Variants in AP4B1 observed in about 807,000 individuals in gnomAD.
AP4B1 encodes AP-4 complex subunit beta-1.
A neutral mutation model predicts 76.5 loss-of-function variants in AP4B1; 49 were observed. That is an observed-to-expected ratio of 0.64 (90% CI 0.51 to 0.81). The LOEUF is 0.81. AP4B1 is among the 40% of genes least tolerant of loss of function. The pLI, the probability that AP4B1 is intolerant of heterozygous loss-of-function variation, is 0.00. For missense variants in AP4B1, 911 were observed against 904.9 expected (o/e 1.01, Z -0.09); for synonymous variants, 330 against 333.3 (o/e 0.99, Z 0.11).
At position 113,901,340 on chromosome 1, in the gene AP4B1, C is replaced by T. The variant is rs760411845; in HGVS notation, c.513G>A (p.Gln171=). 1.9e-6 allele frequency: 3 copies of T among 1,613,994 alleles called. No homozygotes were observed. The African/African-American group carries it at 4.0e-5, about 22-fold the overall frequency. The part of the protein sequence containing the change: ...VNELYSLLRD[Q]DPIVVVNCLR... ...AGCAGTTCACAACTACAATTGGATC[C>T]TGGTCACGCAGCAAACTGTATAATT... is the stretch of plus-strand genomic sequence containing the variant. Residue 171 remains glutamine (Q), a synonymous_variant, in exon 4 of 10, where the codon CAG becomes CAA. Transcript: ENST00000369569.
Position 113,898,165 on chromosome 1 carries a change from T to C in AP4B1, c.1199-222A>G, listed in dbSNP as rs114563260. ...ATTGACATGAGGATAAATGAACTAA[T>C]GTATGAAAAAGCACTTTGTAAAACA... On this transcript the variant is annotated intron_variant, in intron 6 of 9. Coordinates refer to ENST00000369569, the MANE Select transcript of AP4B1 (RefSeq NM_001253852.3). 764 of 425,814 alleles carry C rather than the reference T, an allele frequency of 1.8e-3. 3 individuals are homozygous for C. The highest frequency in any genetic ancestry group is 0.016 in the African/African-American group (738 of 46,524). The allele number at this position is 425,814 out of a possible 1,614,324, so 26.4% of individuals were successfully genotyped here. A position where few individuals can be genotyped will look rare whatever the true frequency, so the allele number is the denominator to read the frequency against.
Position 113,894,805 on chromosome 1 carries a change from T to A in AP4B1, c.*260A>T. The A allele has an allele frequency of 4.6e-6, 2 of 432,554 alleles. No individual in the cohort carries two copies. The highest frequency in any genetic ancestry group is 8.4e-6 in the Non-Finnish European group (2 of 237,808). The allele number at this position is 432,554 out of a possible 1,614,324, so 26.8% of individuals were successfully genotyped here. On this transcript the variant is annotated 3_prime_UTR_variant, in exon 10 of 10. Coordinates refer to ENST00000369569, the MANE Select transcript of AP4B1 (RefSeq NM_001253852.3). ...ACAATTCCTAAAATTGATTAGGAAA[T>A]AATCCAAATCCCATCCTCAACGCAT...
chr1:113,895,329 G>C lies in AP4B1; in HGVS notation c.1956C>G (p.Phe652Leu). The C allele has an allele frequency of 1.2e-6, 2 of 1,614,198 alleles. No homozygotes were observed. The highest frequency in any genetic ancestry group is 1.7e-6 in the Non-Finnish European group (2 of 1,180,032). The change falls in exon 10 of 10, where the codon TTC becomes TTG. Residue 652 changes from phenylalanine (F) to leucine (L), a missense_variant. Physicochemically the swap from Phe to Leu is conservative, Grantham distance 22. Coordinates refer to ENST00000369569, the MANE Select transcript of AP4B1 (RefSeq NM_001253852.3). ...GAGCCATCTGGAGGGTGTCAGGATG[G>C]AATTCTCCCCGCCAAGGCAACACTT... ...HQQVLPWRGE[F>L]HPDTLQMALQ...
rs1667282389 is a variant in AP4B1, at chr1:113,894,866, T to A, written c.*199A>T. On this transcript the variant is annotated 3_prime_UTR_variant, in exon 10 of 10. Coordinates refer to ENST00000369569, the MANE Select transcript of AP4B1 (RefSeq NM_001253852.3). ...ACATTAACCTCTACAACATCATCAC[T>A]GAAAAATGGGGTCAATTGCCAATAG... 1 of 590,094 alleles carries A rather than the reference T, an allele frequency of 1.7e-6. No individual in the cohort carries two copies. Among genetic ancestry groups the A allele is most frequent in the Admixed American group, 3.0e-5 (1 of 32,812 alleles). 36.6% of individuals were successfully genotyped at this position (590,094 alleles called of 1,614,324 possible). A position where few individuals can be genotyped will look rare whatever the true frequency, so the allele number is the denominator to read the frequency against.
In AP4B1 at chr1:113,902,714, T is replaced by G; in HGVS notation, c.262A>C (p.Asn88His). The change falls in exon 2 of 10, where the codon AAT becomes CAT. Residue 88 changes from asparagine to histidine, a missense_variant. Coordinates refer to ENST00000369569, the MANE Select transcript of AP4B1 (RefSeq NM_001253852.3). ...LKPDLALLAI[N>H]TLCKDCSDPN... ...TCTGAGCAGTCTTTGCACAGCGTAT[T>G]GATGGCCAGGAGAGCCAGATCTGGT... The G allele has an allele frequency of 6.2e-7, 1 of 1,614,224 alleles. No individual in the cohort carries two copies. Among genetic ancestry groups the G allele is most frequent in the Non-Finnish European group, 8.5e-7 (1 of 1,180,048 alleles).
In AP4B1 at chr1:113,900,118, T is replaced by C. The variant is rs747982148; in HGVS notation, c.900A>G (p.Val300=). 1 of 1,614,172 alleles carries C rather than the reference T, an allele frequency of 6.2e-7. No homozygotes were observed. The highest frequency in any genetic ancestry group is 1.1e-5 in the South Asian group (1 of 91,084). The change falls in exon 5 of 10, where the codon GTA becomes GTG. Residue 300 remains valine, a synonymous_variant. Transcript: ENST00000369569. ...RELCFVALCH[V]RQILHSLPGH... is the part of the protein sequence containing the mutation. ...CTGGTAAACTATGCAAGATCTGGCG[T>C]ACATGACAAAGAGCAACAAAACAGA... is the stretch of plus-strand genomic sequence containing the variant.
chr1:113,896,058 T>A lies in AP4B1; in HGVS notation c.1511-20A>T. The A allele has an allele frequency of 6.2e-7, 1 of 1,614,218 alleles. No homozygotes were observed. Among genetic ancestry groups the A allele is most frequent in the Non-Finnish European group, 8.5e-7 (1 of 1,180,042 alleles). On this transcript the variant is annotated intron_variant, in intron 8 of 9. Transcript: ENST00000369569. ...CTTCCTCTGAGGTAAGACAACAGATTGACTTCATTAAAAACAAAACCACTT... is the reference window on the plus strand; with the variant it reads ...CTTCCTCTGAGGTAAGACAACAGATAGACTTCATTAAAAACAAAACCACTT...
rs1375969296 is a variant in AP4B1 at position 113,904,766 on chromosome 1, G to A, written c.-49C>T. 2.0e-6 allele frequency: 3 copies of A among 1,503,332 alleles called. No homozygotes were observed. The highest frequency in any genetic ancestry group is 1.1e-5 in the South Asian group (1 of 88,812). The allele number at this position is 1,503,332 out of a possible 1,614,324, so 93.1% of individuals were successfully genotyped here. The stretch of plus-strand genomic sequence containing the variant: ...TCCCACAGCTCCCACGGTAACTCGA[G>A]GGCTCCTTCTCGTCCTGATGTGGGA... On this transcript the variant is annotated 5_prime_UTR_variant, in exon 1 of 10. Coordinates refer to ENST00000369569, the MANE Select transcript of AP4B1 (RefSeq NM_001253852.3).
In AP4B1 at chr1:113,901,743, C is replaced by G. The variant is rs1668293453; in HGVS notation, c.469+12G>C. The G allele has an allele frequency of 1.9e-6, 3 of 1,614,084 alleles. No individual in the cohort carries two copies. The South Asian group carries it at 3.3e-5, about 18-fold the overall frequency. On this transcript the variant is annotated intron_variant, in intron 3 of 9. Coordinates refer to ENST00000369569, the MANE Select transcript of AP4B1 (RefSeq NM_001253852.3). The stretch of plus-strand genomic sequence containing the variant: ...GAGGCACATTGACCATGATGGATTA[C>G]ACTGAACTTACCTACTTCAGAGTCT...
At chr1:113,897,592 C>A in intron 7 of AP4B1, 1 of 492,084 alleles carries the variant, frequency 2.0e-6, no homozygotes, top group Non-Finnish European at 3.7e-6. Context: ...TCAAGCAAAG[C>A]AAAACAAAAC....
chr1:113,898,769 C>A lies in AP4B1; in HGVS notation c.1147G>T (p.Val383Phe). 6.2e-7 allele frequency: 1 copy of A among 1,609,870 alleles called. No individual in the cohort carries two copies. The highest frequency in any genetic ancestry group is 8.5e-7 in the Non-Finnish European group (1 of 1,179,974). ...CCCAGCAACTCTGTTAAAATCTGAA[C>A]ACATTGATCTGTGTAAGTCCTGGCA... Reference protein sequence around the residue: ...GIARTYTDQCVQILTELLGLR... With the variant: ...GIARTYTDQCFQILTELLGLR... Residue 383 changes from valine (V) to phenylalanine (F), a missense_variant, in exon 6 of 10, where the codon GTT becomes TTT. Val to Phe is a conservative substitution (Grantham distance 50). Coordinates refer to ENST00000369569, the MANE Select transcript of AP4B1 (RefSeq NM_001253852.3).
At chr1:113,901,196 A>G (rs775576275) in intron 4 of AP4B1, 40 bp downstream of exon 4, 2 of 1,611,260 alleles carry the variant, frequency 1.2e-6, no homozygotes, top group Non-Finnish European at 8.5e-7. Flanking sequence ...CCCACAAGGT[A>G]GCAGATCTCA....
rs771166738 is a variant in AP4B1, at chr1:113,895,832, C to T, written c.1717G>A (p.Ala573Thr). 1.2e-6 allele frequency: 2 copies of T among 1,614,194 alleles called. No individual in the cohort carries two copies. Among genetic ancestry groups the T allele is most frequent in the South Asian group, 2.2e-5 (2 of 91,086 alleles). ...GCCCCCTGGCATTTAGAGATAGTTG[C>T]CCAGTGGGCTTTGCCATACACTGGC... is the stretch of plus-strand genomic sequence containing the variant. ...LVPVYGKAHWATISKCQGAER... is the reference protein window; with the variant it reads ...LVPVYGKAHWTTISKCQGAER... The change falls in exon 9 of 10, where the codon GCA (alanine) becomes ACA (threonine). Residue 573 changes from alanine to threonine, a missense_variant. Transcript: ENST00000369569.
chr1:113,900,227 T>G lies in AP4B1; in HGVS notation c.791A>C (p.Lys264Thr). ...ATCAGTTTGTACGTGGGGAAACATTTTTGCCAAGATCAGAAAAAGTTTGGT... is the reference window on the plus strand; with the variant it reads ...ATCAGTTTGTACGTGGGGAAACATTGTTGCCAAGATCAGAAAAAGTTTGGT... ...GATKLFLILA[K>T]MFPHVQTDVL... Residue 264 changes from lysine (K) to threonine (T), a missense_variant, in exon 5 of 10, where the codon AAA becomes ACA. Transcript: ENST00000369569. 1 of 1,609,306 alleles carries G rather than the reference T, an allele frequency of 6.2e-7. No homozygotes were observed. Among genetic ancestry groups the G allele is most frequent in the Non-Finnish European group, 8.5e-7 (1 of 1,176,726 alleles).
rs533128711 is a variant in AP4B1 at position 113,900,080 on chromosome 1, C to T, written c.938G>A (p.Ser313Asn). 1.6e-5 allele frequency: 26 copies of T among 1,614,200 alleles called. 1 individual carries two copies. The South Asian group carries it at 2.9e-4, about 18-fold the overall frequency. The change falls in exon 5 of 10, where the codon AGC becomes AAC. Residue 313 changes from serine (S) to asparagine (N), a missense_variant. By Grantham distance (46) the Ser-to-Asn change is conservative. Coordinates refer to ENST00000369569, the MANE Select transcript of AP4B1 (RefSeq NM_001253852.3). ...ILHSLPGHFS[S>N]HYKKFFCSYS... Reference sequence around the variant, plus strand: ...GGAGCAAAAAAACTTTTTGTAGTGGCTGCTAAAGTGACCTGGTAAACTATG... The same window carrying T: ...GGAGCAAAAAAACTTTTTGTAGTGGTTGCTAAAGTGACCTGGTAAACTATG...
Position 113,897,829 on chromosome 1 carries a change from T to C in AP4B1, c.1302+11A>G, listed in dbSNP as rs772397695. 2.2e-5 allele frequency: 35 copies of C among 1,613,478 alleles called. No individual in the cohort carries two copies. The highest frequency in any genetic ancestry group is 2.2e-4 in the Admixed American group (13 of 59,996). On this transcript the variant is annotated intron_variant, in intron 7 of 9. Coordinates refer to ENST00000369569, the MANE Select transcript of AP4B1 (RefSeq NM_001253852.3). Reference sequence around the variant, plus strand: ...CCCCCTACCTAGAAGTAAAGGAGAATTACAGTCTACCTCACTATCTTGAAT... The same window carrying C: ...CCCCCTACCTAGAAGTAAAGGAGAACTACAGTCTACCTCACTATCTTGAAT...
Position 113,895,434 on chromosome 1 carries a change from G to A in AP4B1, c.1851C>T (p.Ala617=), listed in dbSNP as rs1667343506. The A allele has an allele frequency of 1.9e-6, 3 of 1,614,054 alleles. No homozygotes were observed. The African/African-American group carries it at 4.0e-5, about 22-fold the overall frequency. Residue 617 remains alanine (A), a synonymous_variant, in exon 10 of 10, where the codon GCC becomes GCT. Transcript: ENST00000369569. ...GCTGGCGATTGGGGACTAGCATGAG[G>A]GCTCCAGAATCAGGGAGTTCTTGTA... ...ERVQELPDSG[A]LMLVPNRQLT... is the part of the protein sequence containing the mutation.
rs551755388 is a variant in AP4B1 at position 113,901,993 on chromosome 1, C to G, written c.339-108G>C. The G allele has an allele frequency of 7.4e-5, 100 of 1,358,064 alleles. 2 individuals carry two copies. The South Asian group carries it at 1.1e-3, about 15-fold the overall frequency. The allele number at this position is 1,358,064 out of a possible 1,614,324, so 84.1% of individuals were successfully genotyped here. A position where few individuals can be genotyped will look rare whatever the true frequency, so the allele number is the denominator to read the frequency against. On this transcript the variant is annotated intron_variant, in intron 2 of 9. Transcript: ENST00000369569. The stretch of plus-strand genomic sequence containing the variant: ...TTAGTAGATGCTGCACCCATCAGAT[C>G]ATGAAGAATTGCAGAAAGCCTCTAT...
chr1:113,901,626 T>C, intron 3 of AP4B1, 129 bp downstream of exon 3: 1 of 1,398,798 alleles, frequency 7.1e-7, no homozygotes, highest in Non-Finnish European at 1.0e-6. Context: ...TACCAAGCCC[T>C]GCATCCTACT....
Sources: allele counts gnomAD v4.1 joint callset, GRCh38; gene constraint gnomAD v4.1.1; transcripts MANE v1.5; gene names NCBI Gene and HGNC (gene_info 2026-07-23, HGNC 2026-07-21).